Variants in LRRTM3 observed in about 807,000 individuals in gnomAD.
LRRTM3 encodes leucine-rich repeat transmembrane neuronal protein 3.
LRRTM3 carries 24 observed loss-of-function variants against 44.7 expected under a neutral mutation model. The ratio of observed to expected loss-of-function variants is 0.54; its 90% CI spans 0.39 to 0.76. The LOEUF (loss-of-function observed/expected upper bound fraction) is 0.76. LRRTM3 is among the 30% of genes least tolerant of loss of function. LRRTM3 has a pLI of 0.00. For synonymous variants in LRRTM3, 277 were observed against 278.7 expected, an observed-to-expected ratio of 0.99 and a Z score of 0.06; for missense variants, 587 against 702.2, an observed-to-expected ratio of 0.84 and a Z score of 1.85.
chr10:66,951,177 G>A lies in LRRTM3; in HGVS notation c.1536+22725G>A, dbSNP rs574859864. ...CTGTCACCTGGAGTGCTGGAGTGGC[G>A]TGATCTTGGTTCACTGCAACCTCTG... On this transcript the variant is annotated intron_variant, in intron 2 of 2. Transcript: ENST00000361320. Among the ~76,000 whole-genome samples, 146 of 151,106 alleles carry A rather than the reference G, an allele frequency of 9.7e-4. 2 individuals carry two copies. The Middle Eastern group carries it at 0.02, about 21-fold the overall frequency.
intron 2 of LRRTM3, among the ~76,000 whole-genome samples, chr10:66,949,330 G>A (rs1848422063): frequency 6.6e-6 from 1 of 152,152 alleles, no homozygotes; most frequent in Non-Finnish European, 1.5e-5. Context: ...GCCGAGGCAG[G>A]TGGATCACCT....
chr10:66,996,950 G>A (rs1445731202), intron 2 of LRRTM3, among the ~76,000 whole-genome samples: 1 of 152,044 alleles, frequency 6.6e-6, no homozygotes, highest in Non-Finnish European at 1.5e-5. Context: ...ATTAAATCAA[G>A]AGGTTTAATA....
chr10:66,948,258 A>G (rs998888371), intron 2 of LRRTM3, among the ~76,000 whole-genome samples: 6 of 152,184 alleles, frequency 3.9e-5, no homozygotes, highest in African/African-American at 1.4e-4. Flanking sequence ...CTGGTAGTTG[A>G]GGCATCGTAT....
chr10:66,953,102 G>A (rs972933850), intron 2 of LRRTM3, among the ~76,000 whole-genome samples: 3 of 152,116 alleles, frequency 2.0e-5, no homozygotes, highest in Admixed American at 1.3e-4. Context: ...CCAAGTGGAA[G>A]TTTCTATTCA....
At chr10:67,051,463 CT>C (rs11334360) in intron 2 of LRRTM3, among the ~76,000 whole-genome samples, 107,487 of 129,688 alleles carry the variant, frequency 0.83, 43,792 homozygotes, top group Middle Eastern at 0.92. Context: ...TTTCTTTTTT[CT>C]TTTTTTTTTT....
intron 2 of LRRTM3, among the ~76,000 whole-genome samples, chr10:66,946,212 A>T (rs1848267085): frequency 6.6e-6 from 1 of 152,182 alleles, no homozygotes; most frequent in Non-Finnish European, 1.5e-5. Context: ...TGGATAATTA[A>T]TTCTGTGAGA....
At chr10:67,007,284 A>G (rs186879006) in intron 2 of LRRTM3, among the ~76,000 whole-genome samples, 1 of 152,256 alleles carries the variant, frequency 6.6e-6, no homozygotes, top group Admixed American at 6.5e-5. Context: ...GGAATTAACA[A>G]ATTGGCTCTT....
At chr10:67,006,801 T>G (rs1272235213) in intron 2 of LRRTM3, among the ~76,000 whole-genome samples, 1 of 151,896 alleles carries the variant, frequency 6.6e-6, no homozygotes. Context: ...TCTTAAATTT[T>G]TTTTTCTTTT....
intron 2 of LRRTM3, among the ~76,000 whole-genome samples, chr10:67,035,825 G>A (rs111264037): frequency 2.6e-4 from 39 of 151,952 alleles, no homozygotes; most frequent in African/African-American, 6.8e-4. Flanking sequence ...TGAAGCATGC[G>A]TCTGCATTTT....
intron 2 of LRRTM3, among the ~76,000 whole-genome samples, chr10:66,950,257 T>C (rs963440261): frequency 1.3e-5 from 2 of 152,166 alleles, no homozygotes; most frequent in Non-Finnish European, 2.9e-5. Flanking sequence ...ATTATTATTA[T>C]TTTACTTCTA....
intron 2 of LRRTM3, among the ~76,000 whole-genome samples, chr10:66,975,743 G>A (rs2132850172): frequency 6.6e-6 from 1 of 152,144 alleles, no homozygotes; most frequent in Admixed American, 6.5e-5. Flanking sequence ...CAGTATTTCT[G>A]CTCTTTATTC....
intron 2 of LRRTM3, among the ~76,000 whole-genome samples, chr10:67,089,580 T>C (rs529241634): frequency 6.6e-6 from 1 of 152,128 alleles, no homozygotes; most frequent in East Asian, 1.9e-4. Flanking sequence ...CTCAGCAATA[T>C]GGACTCTTGC....
intron 2 of LRRTM3, among the ~76,000 whole-genome samples, chr10:67,011,781 C>A (rs576743660): frequency 2.8e-4 from 43 of 152,134 alleles, no homozygotes; most frequent in African/African-American, 1.0e-3. Context: ...TTATCATCAA[C>A]CATACATACA....
At chr10:66,985,666 T>G (rs1222773363) in intron 2 of LRRTM3, among the ~76,000 whole-genome samples, 1 of 152,068 alleles carries the variant, frequency 6.6e-6, no homozygotes. Flanking sequence ...GAAATGATCA[T>G]CAAGAACCCA....
intron 2 of LRRTM3, among the ~76,000 whole-genome samples, chr10:66,966,910 T>G (rs1291099565): frequency 6.6e-6 from 1 of 152,116 alleles, no homozygotes; most frequent in East Asian, 1.9e-4. Context: ...ATTCATTCCC[T>G]GTTTCAAATT....
intron 2 of LRRTM3, among the ~76,000 whole-genome samples, chr10:67,054,405 G>T (rs1855297592): frequency 6.6e-6 from 1 of 152,082 alleles, no homozygotes; most frequent in East Asian, 1.9e-4. Flanking sequence ...AGGACAGCAG[G>T]ATCACACCAT....
chr10:67,030,957 T>C (rs972848836), intron 2 of LRRTM3, among the ~76,000 whole-genome samples: 1 of 152,126 alleles, frequency 6.6e-6, no homozygotes, highest in African/African-American at 2.4e-5. Flanking sequence ...TGAGCCGAGA[T>C]TGCATCGCTG....
At chr10:66,940,269 G>T (rs1322128021) in intron 2 of LRRTM3, among the ~76,000 whole-genome samples, 2 of 152,134 alleles carry the variant, frequency 1.3e-5, no homozygotes, top group East Asian at 1.9e-4. Context: ...GGAGGCCGAG[G>T]CAAGGAGGAT....
At chr10:66,982,450 A>G (rs1020095167) in intron 2 of LRRTM3, among the ~76,000 whole-genome samples, 84 of 152,280 alleles carry the variant, frequency 5.5e-4, no homozygotes, top group African/African-American at 2.0e-3. Flanking sequence ...ACACTTCTTG[A>G]GAAGATAATT....
Sources: gnomAD v4.1 joint callset for allele counts (sites outside exome capture counted in the v4.1 genomes callset) on GRCh38, gnomAD v4.1.1 for gene constraint, MANE v1.5 for transcripts, NCBI Gene and HGNC (gene_info 2026-07-23, HGNC 2026-07-21) for gene names.